The following RTN1 variants were observed in gnomAD, a reference collection of about 807,000 sequenced individuals.
RTN1 encodes reticulon 1.
Under a neutral mutation model 65.5 loss-of-function variants are expected in RTN1, and 25 were observed. The observed-to-expected ratio is 0.38, with a 90% CI of 0.28 to 0.53. The LOEUF is 0.53. Ranked by LOEUF, RTN1 falls within the 20% of genes least tolerant of loss-of-function variation. The probability of loss-of-function intolerance (pLI) is 0.79; values close to 1 mark genes in which losing one functional copy is unlikely to be tolerated. For missense variants in RTN1, 983 were observed against 1,025.4 expected (o/e 0.96, Z 0.57); for synonymous variants, 471 against 447.6 (o/e 1.05, Z -0.66).
chr14:59,615,029 A>G (rs1258029095), intron 3 of RTN1, among the ~76,000 whole-genome samples: 1 of 152,246 alleles, frequency 6.6e-6, no homozygotes, highest in Non-Finnish European at 1.5e-5. Context: ...GTCTTAACCT[A>G]AAAGAGTAAC....
At chr14:59,841,727 A>G (rs543961472) in intron 1 of RTN1, among the ~76,000 whole-genome samples, 2 of 149,118 alleles carry the variant, frequency 1.3e-5, no homozygotes, top group Non-Finnish European at 3.0e-5. Context: ...AAAAAAAAAA[A>G]CAGCAGACTC....
intron 3 of RTN1, among the ~76,000 whole-genome samples, chr14:59,658,712 A>G (rs934160367): frequency 6.6e-6 from 1 of 152,186 alleles, no homozygotes; most frequent in South Asian, 2.1e-4. Flanking sequence ...CGTCCACACA[A>G]AAACTCCATC....
At chr14:59,721,478 C>T (rs1884646115) in intron 3 of RTN1, among the ~76,000 whole-genome samples, 1 of 152,204 alleles carries the variant, frequency 6.6e-6, no homozygotes, top group Non-Finnish European at 1.5e-5. Context: ...TAGAAATTCT[C>T]AAGCTTCAGT....
At chr14:59,676,617 AT>A (rs1883633622) in intron 3 of RTN1, among the ~76,000 whole-genome samples, 2 of 152,128 alleles carry the variant, frequency 1.3e-5, no homozygotes, top group African/African-American at 4.8e-5. Context: ...GCAGGACAAC[AT>A]GAAAGGTGGA....
chr14:59,827,752 C>G (rs78661991), intron 1 of RTN1, among the ~76,000 whole-genome samples: 1,861 of 152,312 alleles, frequency 0.012, 36 homozygotes, highest in African/African-American at 0.041. Flanking sequence ...CAACCCAAGT[C>G]ACTTATAATA....
chr14:59,840,376 T>C (rs1401059205), intron 1 of RTN1, among the ~76,000 whole-genome samples: 2 of 152,192 alleles, frequency 1.3e-5, no homozygotes, highest in Non-Finnish European at 2.9e-5. Context: ...CCACCATCAA[T>C]TTGTATAGTG....
At chr14:59,619,456 G>A (rs1450696076) in intron 3 of RTN1, among the ~76,000 whole-genome samples, 4 of 152,210 alleles carry the variant, frequency 2.6e-5, no homozygotes, top group Non-Finnish European at 4.4e-5. Context: ...CTCTGTCACA[G>A]TAGCCCTCAG....
rs78670779 is a variant in RTN1, at chr14:59,869,588, GGGGGC to G, written c.241+797_241+801del. On this transcript the variant is annotated intron_variant, in intron 1 of 8. Transcript: ENST00000267484. The stretch of plus-strand genomic sequence containing the variant: ...AGGGCAATTTCCGGGGTGGGGGGGG[GGGGGC>G]GCTTAGACTGCTGGTAAACTGTACC... 1.1e-3 allele frequency among the ~76,000 whole-genome samples: 143 copies of G among 131,138 alleles called. 3 individuals are homozygous for G. Among genetic ancestry groups the G allele is most frequent in the African/African-American group, 3.6e-3 (133 of 36,990 alleles). 86.0% of individuals were successfully genotyped at this position (131,138 alleles called of 152,430 possible). A position where few individuals can be genotyped will look rare whatever the true frequency, so the allele number is the denominator to read the frequency against.
intron 3 of RTN1, among the ~76,000 whole-genome samples, chr14:59,706,920 TTCAA>T (rs1383892281): frequency 6.6e-6 from 1 of 152,224 alleles, no homozygotes; most frequent in African/African-American, 2.4e-5. Flanking sequence ...ATATGTATTA[TTCAA>T]TCCCCTTGAT....
In RTN1 at chr14:59,726,972, C is replaced by T; in HGVS notation, c.1712G>A (p.Gly571Glu). 6.2e-7 allele frequency: 1 copy of T among 1,613,424 alleles called. No individual in the cohort carries two copies. Among genetic ancestry groups the T allele is most frequent in the Non-Finnish European group, 8.5e-7 (1 of 1,179,728 alleles). The change falls in exon 3 of 9, where the codon GGG (glycine) becomes GAG (glutamate). Residue 571 changes from glycine to glutamate, a missense_variant. Gly to Glu is a moderately conservative substitution (Grantham distance 98). Coordinates refer to ENST00000267484, the MANE Select transcript of RTN1 (RefSeq NM_021136.3). The part of the protein sequence containing the change: ...NQSPAATKGP[G>E]PLGPGAPPPL... Reference sequence around the variant, plus strand: ...GGGCGGGGCGCCAGGACCTAGAGGCCCAGGGCCCTTTGTGGCCGCAGGACT... The same window carrying T: ...GGGCGGGGCGCCAGGACCTAGAGGCTCAGGGCCCTTTGTGGCCGCAGGACT...
chr14:59,630,816 G>T (rs1882535381), intron 3 of RTN1: 2 of 1,019,790 alleles, frequency 2.0e-6, no homozygotes, highest in Non-Finnish European at 2.3e-6. Flanking sequence ...AGCGGTTCTG[G>T]CCGCGAAGGC....
intron 3 of RTN1, among the ~76,000 whole-genome samples, chr14:59,609,490 G>T (rs932103311): frequency 5.3e-5 from 8 of 152,176 alleles, no homozygotes; most frequent in Admixed American, 1.3e-4. Flanking sequence ...AGGTGGAGAA[G>T]AGGGATCTTT....
In RTN1 at chr14:59,727,271, G is replaced by C. The variant is rs76760932; in HGVS notation, c.1413C>G (p.Cys471Trp). Residue 471 changes from cysteine (C) to tryptophan (W), a missense_variant, in exon 3 of 9, where the codon TGC becomes TGG. Physicochemically the swap from Cys to Trp is radical, Grantham distance 215. Around this residue, in one of 2 missense-constraint regions of RTN1, gnomAD observed 818 missense variants for 801.8 expected, o/e 1.02. Coordinates refer to ENST00000267484, the MANE Select transcript of RTN1 (RefSeq NM_021136.3). This position sits in a 1 kb window ranked among gnomAD's most constrained non-coding sequence, Gnocchi z 4.2. ...ELDSELIIESCDASSASEESP... is the reference protein window; with the variant it reads ...ELDSELIIESWDASSASEESP... ...TCTCCTCCGAGGCCGAGGAGGCGTC[G>C]CACGACTCGATGATGAGCTCGCTGT... The C allele has an allele frequency of 1.3e-6, 2 of 1,508,302 alleles. No homozygotes were observed. Among genetic ancestry groups the C allele is most frequent in the East Asian group, 2.4e-5 (1 of 41,176 alleles). The allele number at this position is 1,508,302 out of a possible 1,614,324, so 93.4% of individuals were successfully genotyped here.
rs551482103 is a variant in RTN1 at position 59,846,481 on chromosome 14, T to C, written c.241+23909A>G. 6.6e-6 allele frequency among the ~76,000 whole-genome samples: 1 copy of C among 152,138 alleles called. No homozygotes were observed. Among genetic ancestry groups the C allele is most frequent in the Non-Finnish European group, 1.5e-5 (1 of 67,984 alleles). ...CATCTGTCACTTTGTTCCTGAGGTC[T>C]CAGTATTCACCTCAGAGTCCCTACC... On this transcript the variant is annotated intron_variant, in intron 1 of 8. Coordinates refer to ENST00000267484, the MANE Select transcript of RTN1 (RefSeq NM_021136.3). The surrounding 1 kb of genome is among the most constrained non-coding windows in gnomAD (Gnocchi z 4.8).
chr14:59,616,358 C>A (rs1882101174), intron 3 of RTN1, among the ~76,000 whole-genome samples: 1 of 152,124 alleles, frequency 6.6e-6, no homozygotes, highest in African/African-American at 2.4e-5. Context: ...TTATCATCCA[C>A]AGACAATTGT....
chr14:59,646,598 C>T (rs1594651271), intron 3 of RTN1, among the ~76,000 whole-genome samples: 1 of 152,184 alleles, frequency 6.6e-6, no homozygotes, highest in Admixed American at 6.5e-5. Context: ...GACCTCTCAG[C>T]AGAAACCCTA....
chr14:59,799,566 A>G (rs539830578), intron 1 of RTN1, among the ~76,000 whole-genome samples: 105 of 152,350 alleles, frequency 6.9e-4, no homozygotes, highest in African/African-American at 2.1e-3. Flanking sequence ...TCAAATTTAA[A>G]TGTGGGCTAA....
In RTN1 at chr14:59,749,320, CTATATATCTA is replaced by C. The variant is rs1326216232; in HGVS notation, c.242-2849_242-2840del. ...TATCTATATATATCTATATATATATCTATATATCTATATATATCTATATATATCTATATAT... is the reference window on the plus strand; with the variant it reads ...TATCTATATATATCTATATATATATCTATATATCTATATATATCTATATAT... On this transcript the variant is annotated intron_variant, in intron 1 of 8. Transcript: ENST00000267484. Among the ~76,000 whole-genome samples the C allele has an allele frequency of 7.1e-3, 126 of 17,766 alleles. 17 individuals carry two copies. The highest frequency in any genetic ancestry group is 8.9e-3 in the Admixed American group (10 of 1,124). The allele number at this position is 17,766 out of a possible 152,430, so 11.7% of individuals were successfully genotyped here.
At chr14:59,767,158 AT>A (rs1295138259) in intron 1 of RTN1, among the ~76,000 whole-genome samples, 1 of 152,198 alleles carries the variant, frequency 6.6e-6, no homozygotes, top group Non-Finnish European at 1.5e-5. Flanking sequence ...CTGCCAAGGA[AT>A]TTTAGCATAT....
Sources: gnomAD v4.1 joint callset for allele counts (sites outside exome capture counted in the v4.1 genomes callset) on GRCh38, gnomAD v4.1.1 for gene constraint, gnomAD v4.1.1 regional missense constraint, Gnocchi (gnomAD v3.1) non-coding constraint, MANE v1.5 for transcripts, NCBI Gene and HGNC (gene_info 2026-07-23, HGNC 2026-07-21) for gene names.